COPRS: variants seen among roughly 807,000 people sequenced by gnomAD.
COPRS encodes the protein cooperator of PRMT5.
In COPRS, 11 loss-of-function variants were observed where a neutral mutation model predicts 19.9. The observed-to-expected ratio is 0.55, with a 90% CI of 0.35 to 0.92. The LOEUF is 0.92. Ranked by LOEUF, COPRS falls within the 40% of genes least tolerant of loss-of-function variation. The pLI, the probability that COPRS is intolerant of heterozygous loss-of-function variation, is 0.01. For synonymous variants in COPRS, 81 were observed against 82.7 expected, an observed-to-expected ratio of 0.98 and a Z score of 0.11; for missense variants, 225 against 229.9, an observed-to-expected ratio of 0.98 and a Z score of 0.14.
In COPRS at chr17:31,859,087, C is replaced by G; in HGVS notation, c.99+14G>C. On this transcript the variant is annotated intron_variant, in intron 1 of 3. Transcript: ENST00000302362. ...GCGGCTGGCTGTTGCTCCTGGCCCCCACGCGGCGCTCACCTCCGGGCTGGG... is the reference window on the plus strand; with the variant it reads ...GCGGCTGGCTGTTGCTCCTGGCCCCGACGCGGCGCTCACCTCCGGGCTGGG... 7 of 1,127,592 alleles carry G rather than the reference C, an allele frequency of 6.2e-6. No homozygotes were observed. The highest frequency in any genetic ancestry group is 7.6e-6 in the Non-Finnish European group (7 of 923,660). 69.8% of individuals were successfully genotyped at this position (1,127,592 alleles called of 1,614,324 possible).
At chr17:31,857,092 G>A (rs575208616) in intron 1 of COPRS, among the ~76,000 whole-genome samples, 8 of 152,212 alleles carry the variant, frequency 5.3e-5, no homozygotes, top group East Asian at 1.9e-4. Context: ...ACACTTCACC[G>A]TGGCAGCAGG....
At chr17:31,856,204 G>A (rs185151153) in intron 2 of COPRS, among the ~76,000 whole-genome samples, 20 of 151,792 alleles carry the variant, frequency 1.3e-4, no homozygotes, top group South Asian at 4.2e-4. Context: ...GTGTGGTGGC[G>A]CGTGCCTGTA....
chr17:31,856,948 A>C, intron 1 of COPRS, 83 bp from the exon 2 acceptor site: 1 of 802,024 alleles, frequency 1.2e-6, no homozygotes, highest in Non-Finnish European at 2.2e-6. Flanking sequence ...AACCCCACCC[A>C]CTCTTCCATA....
chr17:31,857,811 C>T (rs1353930882), intron 1 of COPRS, among the ~76,000 whole-genome samples: 1 of 152,194 alleles, frequency 6.6e-6, no homozygotes, highest in Non-Finnish European at 1.5e-5. Flanking sequence ...TATGAAAACA[C>T]CTGGCATGTG....
intron 2 of COPRS, among the ~76,000 whole-genome samples, chr17:31,856,271 G>A (rs934372489): frequency 1.3e-5 from 2 of 152,098 alleles, no homozygotes; most frequent in African/African-American, 4.8e-5. Flanking sequence ...GGAAGCGGAG[G>A]TTGCGGTGAG....
chr17:31,853,132 G>A, intron 2 of COPRS, 102 bp from the exon 3 acceptor site: 1 of 797,564 alleles, frequency 1.3e-6, no homozygotes, highest in Non-Finnish European at 2.1e-6. Context: ...AGTAAAACAA[G>A]TGCACAGAGT....
At chr17:31,858,741 C>T in intron 1 of COPRS, 1 of 1,550,070 alleles carries the variant, frequency 6.5e-7, no homozygotes, top group Non-Finnish European at 8.7e-7. Flanking sequence ...TCAAGTCCCT[C>T]TCCTCGCCGC....
chr17:31,852,876 C>G lies in COPRS; in HGVS notation c.321G>C (p.Gln107His). 6.2e-7 allele frequency: 1 copy of G among 1,614,202 alleles called. No homozygotes were observed. The highest frequency in any genetic ancestry group is 8.5e-7 in the Non-Finnish European group (1 of 1,180,028). The change falls in exon 3 of 4, where the codon CAG (glutamine) becomes CAC (histidine). Residue 107 changes from glutamine to histidine, a missense_variant. Coordinates refer to ENST00000302362, the MANE Select transcript of COPRS (RefSeq NM_018405.4). ...AGTCCTCATTAAAAAGATCGCCAGG[C>G]TGTTCCTTGGGTGGACAGTTTGTCC... is the stretch of plus-strand genomic sequence containing the variant. Reference protein sequence around the residue: ...SEGTNCPPKEQPGDLFNEDWD... With the variant: ...SEGTNCPPKEHPGDLFNEDWD...
At position 31,859,118 on chromosome 17, in the gene COPRS, C is replaced by T. The variant is rs759708042; in HGVS notation, c.82G>A (p.Ala28Thr). The change falls in exon 1 of 4, where the codon GCG becomes ACG. Residue 28 changes from alanine (A) to threonine (T), a missense_variant. Around this residue, in one of 3 missense-constraint regions of COPRS, gnomAD observed 51 missense variants for 39.2 expected, o/e 1.30. Coordinates refer to ENST00000302362, the MANE Select transcript of COPRS (RefSeq NM_018405.4). The stretch of plus-strand genomic sequence containing the variant: ...GCGCTCACCTCCGGGCTGGGGGGCG[C>T]CCCCCGCGCGCTAGGCAGCGGCGGG... ...RGPPLPSARG[A>T]PPSPEAGFAT... 5.5e-6 allele frequency: 6 copies of T among 1,087,896 alleles called. No homozygotes were observed. The South Asian group carries it at 2.1e-4, about 38-fold the overall frequency. The allele number at this position is 1,087,896 out of a possible 1,614,324, so 67.4% of individuals were successfully genotyped here.
chr17:31,854,382 A>C (rs1450383737), intron 2 of COPRS, among the ~76,000 whole-genome samples: 1 of 139,144 alleles, frequency 7.2e-6, no homozygotes, highest in Non-Finnish European at 1.6e-5. Context: ...AAAAAAAAAA[A>C]AGTGTGATTG....
chr17:31,852,362 G>C lies in COPRS; in HGVS notation c.386-54C>G, dbSNP rs1909192817. ...GGGAAGGAAGGAGGGAAGGAAGGAA[G>C]GTAAAAACGGACAGCCAAAAAGGTA... On this transcript the variant is annotated intron_variant, in intron 3 of 3. Coordinates refer to ENST00000302362, the MANE Select transcript of COPRS (RefSeq NM_018405.4). The C allele has an allele frequency of 1.8e-5, 26 of 1,436,030 alleles. No individual in the cohort carries two copies. The South Asian group carries it at 3.3e-4, about 18-fold the overall frequency. 89.0% of individuals were successfully genotyped at this position (1,436,030 alleles called of 1,614,324 possible).
intron 3 of COPRS, among the ~76,000 whole-genome samples, chr17:31,852,584 GGA>G (rs150158479): frequency 1.1e-4 from 17 of 152,284 alleles, no homozygotes; most frequent in Admixed American, 8.5e-4. Context: ...AGAGATTTTT[GGA>G]GAGAGTAACA....
intron 1 of COPRS, 57 bp from the exon 2 acceptor site, chr17:31,856,922 T>G: frequency 9.3e-7 from 1 of 1,077,224 alleles, no homozygotes. Flanking sequence ...TGCCCAGTAT[T>G]CAGCTATTGC....
intron 2 of COPRS, among the ~76,000 whole-genome samples, chr17:31,853,327 G>A (rs1413001909): frequency 1.3e-5 from 2 of 152,106 alleles, no homozygotes; most frequent in East Asian, 1.9e-4. Context: ...CTGAGGCAAA[G>A]GGCCTCTGAT....
At chr17:31,855,422 G>C (rs1909308853) in intron 2 of COPRS, among the ~76,000 whole-genome samples, 1 of 151,854 alleles carries the variant, frequency 6.6e-6, no homozygotes, top group Non-Finnish European at 1.5e-5. Flanking sequence ...CAGGAGAATG[G>C]TGTGAACCCA....
At chr17:31,853,424 A>G (rs896745826) in intron 2 of COPRS, among the ~76,000 whole-genome samples, 10 of 146,316 alleles carry the variant, frequency 6.8e-5, no homozygotes, top group African/African-American at 2.6e-4. Flanking sequence ...TCTGTCGCCC[A>G]GGCTGGAATG....
chr17:31,851,926 C>T lies in COPRS; in HGVS notation c.*213G>A. Reference sequence around the variant, plus strand: ...CACAACTCCTCTTGACACAAACACACACACATTTCAAGGAGGAGCCCATTA... The same window carrying T: ...CACAACTCCTCTTGACACAAACACATACACATTTCAAGGAGGAGCCCATTA... On this transcript the variant is annotated 3_prime_UTR_variant, in exon 4 of 4. Coordinates refer to ENST00000302362, the MANE Select transcript of COPRS (RefSeq NM_018405.4). 3.7e-6 allele frequency: 2 copies of T among 546,236 alleles called. No individual in the cohort carries two copies. Among genetic ancestry groups the T allele is most frequent in the South Asian group, 2.1e-5 (1 of 47,032 alleles). The allele number at this position is 546,236 out of a possible 1,614,324, so 33.8% of individuals were successfully genotyped here.
chr17:31,854,284 C>T (rs1442051437), intron 2 of COPRS, among the ~76,000 whole-genome samples: 1 of 136,440 alleles, frequency 7.3e-6, no homozygotes, highest in Non-Finnish European at 1.5e-5. Flanking sequence ...GTGGGAGGAT[C>T]GCTTGAACCT....
Position 31,856,585 on chromosome 17 carries a change from G to A in COPRS, c.166+214C>T, listed in dbSNP as rs572644894. ...TTCACCGTTTCAAGCTGTTTCTCTC[G>A]GTAGAAGGATGGATTTGAACATAAG... On this transcript the variant is annotated intron_variant, in intron 2 of 3. Coordinates refer to ENST00000302362, the MANE Select transcript of COPRS (RefSeq NM_018405.4). The A allele has an allele frequency of 1.9e-3, 1,165 of 608,154 alleles. 1 individual carries two copies. The highest frequency in any genetic ancestry group is 2.9e-3 in the Non-Finnish European group (1,002 of 346,160). 37.7% of individuals were successfully genotyped at this position (608,154 alleles called of 1,614,324 possible).
Sources: allele counts gnomAD v4.1 joint callset (sites outside exome capture counted in the v4.1 genomes callset), GRCh38; gene constraint gnomAD v4.1.1; regional missense constraint gnomAD v4.1.1; transcripts MANE v1.5; gene names NCBI Gene and HGNC (gene_info 2026-07-23, HGNC 2026-07-21).